The following LMO7 variants were observed in gnomAD, a reference collection of about 807,000 sequenced individuals.
LMO7 encodes LIM domain only protein 7.
Under a neutral mutation model 206.5 loss-of-function variants are expected in LMO7, and 120 were observed. The ratio of observed to expected loss-of-function variants is 0.58; its 90% CI spans 0.50 to 0.68. The LOEUF (loss-of-function observed/expected upper bound fraction) is 0.68, where lower values mean the gene tolerates loss of function less well. LMO7 is among the 30% of genes least tolerant of loss of function. The pLI, the probability that LMO7 is intolerant of heterozygous loss-of-function variation, is 0.00. For synonymous variants in LMO7, 706 were observed against 681.5 expected (o/e 1.04, Z -0.56); for missense variants, 1,959 against 1,957.9 (o/e 1.00, Z -0.01).
chr13:75,797,498 C>T (rs969853958), intron 6 of LMO7, among the ~76,000 whole-genome samples: 2 of 152,138 alleles, frequency 1.3e-5, no homozygotes, highest in Admixed American at 1.3e-4. Flanking sequence ...CAGAAGAGCC[C>T]TTTTGTGTAG....
chr13:75,727,002 T>C lies in LMO7; in HGVS notation c.141-27T>C, dbSNP rs1301658301. 7 of 1,286,074 alleles carry C rather than the reference T, an allele frequency of 5.4e-6. No homozygotes were observed. The South Asian group carries it at 7.2e-5, about 13-fold the overall frequency. The allele number at this position is 1,286,074 out of a possible 1,614,324, so 79.7% of individuals were successfully genotyped here. The stretch of plus-strand genomic sequence containing the variant: ...AAAACCTGATATTGGCATCTTGTAA[T>C]TGCATCTGTTATTTATTTACTTTCA... On this transcript the variant is annotated intron_variant, in intron 2 of 30. Transcript: ENST00000377534.
chr13:75,666,828 C>T (rs894316531), intron 1 of LMO7, among the ~76,000 whole-genome samples: 2 of 152,182 alleles, frequency 1.3e-5, no homozygotes, highest in African/African-American at 4.8e-5. Context: ...CCCAGGTCAT[C>T]CTCTGAAATG....
intron 4 of LMO7, among the ~76,000 whole-genome samples, chr13:75,765,698 G>C (rs1444100146): frequency 1.3e-5 from 2 of 152,136 alleles, no homozygotes; most frequent in South Asian, 2.1e-4. Context: ...AAGAGTCCTA[G>C]CTGCAGGGAA....
chr13:75,817,192 G>T lies in LMO7; in HGVS notation c.1978G>T (p.Asp660Tyr). 1 of 1,613,714 alleles carries T rather than the reference G, an allele frequency of 6.2e-7. No homozygotes were observed. The highest frequency in any genetic ancestry group is 2.2e-5 in the East Asian group (1 of 44,852). Reference sequence around the variant, plus strand: ...GTCCATGAGTGATGTCAGCGCAGAAGATGTTCAAAACTTGCGTCAGCTGCG... The same window carrying T: ...GTCCATGAGTGATGTCAGCGCAGAATATGTTCAAAACTTGCGTCAGCTGCG... ...SKSMSDVSAEDVQNLRQLRYE... is the reference protein window; with the variant it reads ...SKSMSDVSAEYVQNLRQLRYE... The change falls in exon 12 of 31, where the codon GAT becomes TAT. Residue 660 changes from aspartate (D) to tyrosine (Y), a missense_variant. Coordinates refer to ENST00000377534, the MANE Select transcript of LMO7 (RefSeq NM_001306080.2).
At chr13:75,802,958 G>T (rs1222174895) in intron 7 of LMO7, among the ~76,000 whole-genome samples, 1 of 152,118 alleles carries the variant, frequency 6.6e-6, no homozygotes, top group African/African-American at 2.4e-5. Flanking sequence ...GCAGGACACC[G>T]TACTGGGCTA....
chr13:75,847,078 G>C (rs1015788663), intron 26 of LMO7, among the ~76,000 whole-genome samples: 1 of 149,240 alleles, frequency 6.7e-6, no homozygotes, highest in Non-Finnish European at 1.5e-5. Context: ...TGACCAAATT[G>C]ATAAGCTTTG....
intron 4 of LMO7, among the ~76,000 whole-genome samples, chr13:75,771,261 T>A (rs893409677): frequency 2.6e-5 from 4 of 152,140 alleles, no homozygotes; most frequent in Non-Finnish European, 2.9e-5. Flanking sequence ...TAAGAACATA[T>A]GTACCTTAGA....
chr13:75,840,623 A>G lies in LMO7; in HGVS notation c.3582+128A>G, dbSNP rs561969376. 43 of 1,110,340 alleles carry G rather than the reference A, an allele frequency of 3.9e-5. No individual in the cohort carries two copies. The South Asian group carries it at 5.5e-4, about 14-fold the overall frequency. The allele number at this position is 1,110,340 out of a possible 1,614,324, so 68.8% of individuals were successfully genotyped here. Reference sequence around the variant, plus strand: ...TCACAACTAACAAATATTTTTGCACACAGTACATTTTCCATAAAACAATTA... The same window carrying G: ...TCACAACTAACAAATATTTTTGCACGCAGTACATTTTCCATAAAACAATTA... On this transcript the variant is annotated intron_variant, in intron 22 of 30. Transcript: ENST00000377534.
At chr13:75,779,649 G>A (rs973551160) in intron 4 of LMO7, among the ~76,000 whole-genome samples, 7 of 152,164 alleles carry the variant, frequency 4.6e-5, no homozygotes, top group East Asian at 1.9e-4. Flanking sequence ...GTGCATGTGC[G>A]TGCATGTGCA....
intron 2 of LMO7, among the ~76,000 whole-genome samples, chr13:75,624,672 T>C (rs1189135957): frequency 6.6e-6 from 1 of 152,210 alleles, no homozygotes; most frequent in African/African-American, 2.4e-5. Flanking sequence ...GTGTCTCACA[T>C]GGCATCAGAC....
intron 3 of LMO7, among the ~76,000 whole-genome samples, chr13:75,727,658 G>A (rs1009850204): frequency 6.6e-6 from 1 of 151,650 alleles, no homozygotes; most frequent in Non-Finnish European, 1.5e-5. Flanking sequence ...AAGTTTTAGG[G>A]TACATGTGCA....
rs774002607 is a variant in LMO7 at position 75,836,440 on chromosome 13, A to T, written c.3377A>T (p.Asn1126Ile). Reference sequence around the variant, plus strand: ...ATCAATGGAATTCATGATGAAAGCAATGCTTTTGAATCAAAAGGTAAATAT... The same window carrying T: ...ATCAATGGAATTCATGATGAAAGCATTGCTTTTGAATCAAAAGGTAAATAT... The part of the protein sequence containing the change: ...KEINGIHDES[N>I]AFESKASESI... Residue 1126 changes from asparagine to isoleucine, a missense_variant, in exon 19 of 31, where the codon AAT becomes ATT. Asn to Ile is a moderately radical substitution (Grantham distance 149). Transcript: ENST00000377534. 2.6e-6 allele frequency: 4 copies of T among 1,516,898 alleles called. No individual in the cohort carries two copies. The East Asian group carries it at 7.0e-5, about 27-fold the overall frequency. 94.0% of individuals were successfully genotyped at this position (1,516,898 alleles called of 1,614,324 possible).
intron 1 of LMO7, among the ~76,000 whole-genome samples, chr13:75,691,304 T>C (rs1042846127): frequency 1.3e-5 from 2 of 152,254 alleles, no homozygotes; most frequent in African/African-American, 4.8e-5. Flanking sequence ...CTTTTGGGTG[T>C]GTTGAGTAGA....
intron 3 of LMO7, among the ~76,000 whole-genome samples, chr13:75,757,129 C>T (rs2047738511): frequency 6.6e-6 from 1 of 152,180 alleles, no homozygotes; most frequent in South Asian, 2.1e-4. Flanking sequence ...ATCACGGGCT[C>T]TATCAAGCAG....
intron 1 of LMO7, among the ~76,000 whole-genome samples, chr13:75,646,575 CT>C (rs72416416): frequency 0.22 from 31,275 of 139,348 alleles, 3,577 homozygotes; most frequent in Admixed American, 0.35. Context: ...GTAGAGAGAA[CT>C]TTTTTTTTTT....
In LMO7 at chr13:75,821,451, C is replaced by T. The variant is rs745796758; in HGVS notation, c.2482C>T (p.Leu828=). 6.2e-7 allele frequency: 1 copy of T among 1,614,194 alleles called. No individual in the cohort carries two copies. The highest frequency in any genetic ancestry group is 2.2e-5 in the East Asian group (1 of 44,884). ...EEQSPASLSS[L]RSRSTQMEST... ...ACAAAGCCCAGCCTCTTTGTCTTCT[C>T]TGCGTTCACGGAGCACACAAATGGA... The change falls in exon 14 of 31, where the codon CTG becomes TTG. Residue 828 remains leucine, a synonymous_variant. Coordinates refer to ENST00000377534, the MANE Select transcript of LMO7 (RefSeq NM_001306080.2).
chr13:75,807,382 G>C (rs1300101818), intron 9 of LMO7, 98 bp from the exon 10 acceptor site: 2 of 1,264,446 alleles, frequency 1.6e-6, no homozygotes, highest in African/African-American at 3.0e-5. Flanking sequence ...TAACTGGCTA[G>C]TTGGTCTGCT....
At chr13:75,637,269 C>T (rs2036019483) in intron 1 of LMO7, among the ~76,000 whole-genome samples, 1 of 152,178 alleles carries the variant, frequency 6.6e-6, no homozygotes, top group South Asian at 2.1e-4. Context: ...TCTGGGGCCG[C>T]ATCCAAGCCC....
chr13:75,624,707 A>C (rs2033803124), intron 2 of LMO7, among the ~76,000 whole-genome samples: 1 of 151,866 alleles, frequency 6.6e-6, no homozygotes, highest in African/African-American at 2.4e-5. Context: ...TGTGCAGGAA[A>C]CTCCCGTTTT....
Sources: allele counts gnomAD v4.1 joint callset (sites outside exome capture counted in the v4.1 genomes callset), GRCh38; gene constraint gnomAD v4.1.1; transcripts MANE v1.5; gene names NCBI Gene and HGNC (gene_info 2026-07-23, HGNC 2026-07-21).